Variants in RYR2 observed in about 807,000 individuals in gnomAD.
RYR2 encodes the protein ryanodine receptor 2.
A neutral mutation model predicts 601.1 loss-of-function variants in RYR2; 227 were observed. The observed-to-expected ratio is 0.38, with a 90% CI of 0.34 to 0.42. The LOEUF is 0.42. Ranked by LOEUF, RYR2 falls within the 10% of genes least tolerant of loss-of-function variation. The pLI is 1.00. For synonymous variants in RYR2, 2,223 were observed against 2,175.1 expected (o/e 1.02, Z -0.61); for missense variants, 4,646 against 6,156.5 (o/e 0.75, Z 8.21).
chr1:237,769,860 C>T (rs1300077536), intron 84 of RYR2, among the ~76,000 whole-genome samples: 1 of 151,512 alleles, frequency 6.6e-6, no homozygotes, highest in African/African-American at 2.4e-5. Context: ...TTTTTTTCCC[C>T]CCACGGACAC....
chr1:237,805,993 T>G, intron 98 of RYR2, 144 bp from the exon 99 acceptor site: 208 of 658,618 alleles, frequency 3.2e-4, no homozygotes, highest in Non-Finnish European at 4.8e-4. Flanking sequence ...TTTACTTCCA[T>G]GAGATTAACT....
At chr1:237,160,420 A>G (rs1675875481) in intron 1 of RYR2, among the ~76,000 whole-genome samples, 1 of 152,132 alleles carries the variant, frequency 6.6e-6, no homozygotes, top group Non-Finnish European at 1.5e-5. Flanking sequence ...GTATCAAGTG[A>G]TGCTCTTTTC....
rs1689366468 is a variant in RYR2, at chr1:237,268,943, A to AC, written c.49-1554_49-1553insC. Among the ~76,000 whole-genome samples the AC allele has an allele frequency of 5.4e-5, 8 of 148,326 alleles. 2 individuals carry two copies. The South Asian group carries it at 8.5e-4, about 16-fold the overall frequency. ...GAGGAAGACTCTTGTCTCAAAAAAA[A>AC]AAAAAAAAAAAAAAAAAAGGAAATA... On this transcript the variant is annotated intron_variant, in intron 1 of 104. Coordinates refer to ENST00000366574, the MANE Select transcript of RYR2 (RefSeq NM_001035.3).
Position 237,503,513 on chromosome 1 carries a change from G to A in RYR2, c.2613+8G>A, listed in dbSNP as rs776678807. On this transcript the variant is annotated splice_region_variant and intron_variant, in intron 22 of 104. Coordinates refer to ENST00000366574, the MANE Select transcript of RYR2 (RefSeq NM_001035.3). ...CCTGTGGATACCAGCCAGGTACCAAGATCCACTCGAATGGCAATCACTGGT... is the reference window on the plus strand; with the variant it reads ...CCTGTGGATACCAGCCAGGTACCAAAATCCACTCGAATGGCAATCACTGGT... The A allele has an allele frequency of 6.2e-7, 1 of 1,612,596 alleles. No individual in the cohort carries two copies.
intron 1 of RYR2, among the ~76,000 whole-genome samples, chr1:237,175,587 C>T (rs1677937337): frequency 6.6e-6 from 1 of 152,128 alleles, no homozygotes; most frequent in South Asian, 2.1e-4. Flanking sequence ...GTAGAGATAA[C>T]TGAACCATTG....
intron 101 of RYR2, among the ~76,000 whole-genome samples, chr1:237,826,836 C>T (rs375387438): frequency 4.6e-5 from 7 of 152,086 alleles, no homozygotes; most frequent in African/African-American, 1.2e-4. Flanking sequence ...AGTAACTGAG[C>T]CACAATAAGT....
intron 1 of RYR2, among the ~76,000 whole-genome samples, chr1:237,077,701 A>G (rs1304373562): frequency 6.6e-6 from 1 of 151,360 alleles, no homozygotes; most frequent in African/African-American, 2.4e-5. Flanking sequence ...CCCACTGTCA[A>G]CATTAGACAG....
intron 80 of RYR2, chr1:237,755,195 C>A (rs746445645): frequency 7.0e-5 from 60 of 862,488 alleles, no homozygotes; most frequent in Non-Finnish European, 8.9e-5. Context: ...CATTTCTTTT[C>A]CCCCTCCTTT....
intron 2 of RYR2, among the ~76,000 whole-genome samples, chr1:237,274,535 A>G (rs906047495): frequency 6.6e-6 from 1 of 152,208 alleles, no homozygotes; most frequent in Non-Finnish European, 1.5e-5. Context: ...TAACAAAATT[A>G]AAGTTTATAA....
intron 95 of RYR2, among the ~76,000 whole-genome samples, 167 bp downstream of exon 95, chr1:237,794,164 G>T (rs1658804187): frequency 6.6e-6 from 1 of 152,108 alleles, no homozygotes; most frequent in African/African-American, 2.4e-5. Flanking sequence ...CTTAATGGTG[G>T]ATGTCCTCAA....
chr1:237,667,436 A>G (rs1280650845), intron 57 of RYR2, among the ~76,000 whole-genome samples: 1 of 152,200 alleles, frequency 6.6e-6, no homozygotes, highest in African/African-American at 2.4e-5. Flanking sequence ...AGAAAGATTA[A>G]CTTGGCTAGT....
At chr1:237,665,128 T>C (rs1260614365) in intron 56 of RYR2, among the ~76,000 whole-genome samples, 1 of 152,102 alleles carries the variant, frequency 6.6e-6, no homozygotes, top group African/African-American at 2.4e-5. Flanking sequence ...AGGCCGGGCA[T>C]GGTGGCTCAC....
chr1:237,795,802 CTGTATGTATATACAGGTATGTATGTGTG>C (rs1659045934), intron 96 of RYR2, among the ~76,000 whole-genome samples: 1 of 143,420 alleles, frequency 7.0e-6, no homozygotes, highest in Non-Finnish European at 1.5e-5. Context: ...TGGCTCACGC[CTGTATGTATATACAGGTATGTATGTGTG>C]TGTGTGTATA....
At chr1:237,589,310 C>T (rs1320252096) in intron 29 of RYR2, among the ~76,000 whole-genome samples, 1 of 151,910 alleles carries the variant, frequency 6.6e-6, no homozygotes, top group Non-Finnish European at 1.5e-5. Flanking sequence ...TTTTCTTGAG[C>T]TATGTATGAG....
chr1:237,096,853 G>A lies in RYR2; in HGVS notation c.48+54284G>A, dbSNP rs376215859. Among the ~76,000 whole-genome samples, 7 of 152,318 alleles carry A rather than the reference G, an allele frequency of 4.6e-5. No individual in the cohort carries two copies. The East Asian group carries it at 1.2e-3, about 25-fold the overall frequency. ...ATGCCCCCTATAAATCTGTGTGGGT[G>A]TGTCCAGGAGAGCTTGCCTCCTAAA... On this transcript the variant is annotated intron_variant, in intron 1 of 104. Transcript: ENST00000366574.
At chr1:237,796,369 A>G (rs183184693) in intron 96 of RYR2, among the ~76,000 whole-genome samples, 53 of 152,288 alleles carry the variant, frequency 3.5e-4, no homozygotes, top group African/African-American at 1.2e-3. Flanking sequence ...ATTTCCCGCT[A>G]TGGTACCTAA....
chr1:237,708,755 C>A (rs1688584446), intron 68 of RYR2, 103 bp from the exon 69 acceptor site: 5 of 1,044,388 alleles, frequency 4.8e-6, no homozygotes, highest in Non-Finnish European at 7.0e-6. Context: ...AAGTCATGTG[C>A]TGGAGAAGGA....
chr1:237,374,978 C>T (rs1034792965), intron 7 of RYR2, among the ~76,000 whole-genome samples, 183 bp downstream of exon 7: 1 of 152,182 alleles, frequency 6.6e-6, no homozygotes, highest in Non-Finnish European at 1.5e-5. Flanking sequence ...GTTATTCCCA[C>T]ATCATTAGTT....
At chr1:237,561,204 G>A (rs982904045) in intron 27 of RYR2, among the ~76,000 whole-genome samples, 2 of 152,132 alleles carry the variant, frequency 1.3e-5, no homozygotes, top group Non-Finnish European at 2.9e-5. Flanking sequence ...GTTTGACAAG[G>A]TTTGATTTTA....
Sources: gnomAD v4.1 joint callset for allele counts (sites outside exome capture counted in the v4.1 genomes callset) on GRCh38, gnomAD v4.1.1 for gene constraint, MANE v1.5 for transcripts, NCBI Gene and HGNC (gene_info 2026-07-23, HGNC 2026-07-21) for gene names.